Variants in CIZ1 observed in about 807,000 individuals in gnomAD.
The protein encoded by CIZ1 is CDKN1A interacting zinc finger protein 1, also known as cip1-interacting zinc finger protein.
A neutral mutation model predicts 118.6 loss-of-function variants in CIZ1; 58 were observed. The observed-to-expected ratio is 0.49, with a 90% CI of 0.40 to 0.61. The LOEUF (loss-of-function observed/expected upper bound fraction) is 0.61, where lower values mean the gene tolerates loss of function less well. Ranked by LOEUF, CIZ1 falls within the 20% of genes least tolerant of loss-of-function variation. The probability of loss-of-function intolerance (pLI) is 0.00; values close to 1 mark genes in which losing one functional copy is unlikely to be tolerated. For synonymous variants in CIZ1, 448 were observed against 443.4 expected, an observed-to-expected ratio of 1.01 and a Z score of -0.13; for missense variants, 921 against 1,115.9, an observed-to-expected ratio of 0.83 and a Z score of 2.49.
chr9:128,168,695 T>TA, intron 14 of CIZ1: 1 of 291,618 alleles, frequency 3.4e-6, no homozygotes, highest in Non-Finnish European at 6.7e-6. Context: ...TGGAACACAC[T>TA]AAGTGCTCAA....
rs1452232392 is a variant in CIZ1, at chr9:128,203,264, C to T, written c.-6+922G>A. 1 of 227,158 alleles carries T rather than the reference C, an allele frequency of 4.4e-6. No homozygotes were observed. Among genetic ancestry groups the T allele is most frequent in the Non-Finnish European group, 8.1e-6 (1 of 123,946 alleles). The allele number at this position is 227,158 out of a possible 1,614,324, so 14.1% of individuals were successfully genotyped here. A position where few individuals can be genotyped will look rare whatever the true frequency, so the allele number is the denominator to read the frequency against. On this transcript the variant is annotated intron_variant, in intron 1 of 17. Transcript: ENST00000372948. This position sits in a 1 kb window ranked among gnomAD's most constrained non-coding sequence, Gnocchi z 5.3. ...GTGAAAACTACGACACCCATGATGC[C>T]CCGGACGGCGCCTGCGCACGGCGGC... is the stretch of plus-strand genomic sequence containing the variant.
At position 128,201,318 on chromosome 9, in the gene CIZ1, C is replaced by T. The variant is rs142670482; in HGVS notation, c.-6+2868G>A. Among the ~76,000 whole-genome samples, 254 of 151,648 alleles carry T rather than the reference C, an allele frequency of 1.7e-3. 2 individuals carry two copies. The highest frequency in any genetic ancestry group is 6.0e-3 in the African/African-American group (246 of 41,200). On this transcript the variant is annotated intron_variant, in intron 1 of 17. Transcript: ENST00000372948. Reference sequence around the variant, plus strand: ...TACAAAAATTAGCTAGGAGTGGTGGCACGTGCCTGTAGTCCCAGCTACTCG... The same window carrying T: ...TACAAAAATTAGCTAGGAGTGGTGGTACGTGCCTGTAGTCCCAGCTACTCG...
At chr9:128,199,054 C>A (rs79861704) in intron 1 of CIZ1, among the ~76,000 whole-genome samples, 10,275 of 151,850 alleles carry the variant, frequency 0.068, 488 homozygotes, top group Non-Finnish European at 0.1. Flanking sequence ...GTTTTCTCAT[C>A]TGTCAAAGGA....
intron 11 of CIZ1, among the ~76,000 whole-genome samples, chr9:128,175,022 T>A (rs745755609): frequency 6.6e-6 from 1 of 152,138 alleles, no homozygotes; most frequent in African/African-American, 2.4e-5. Context: ...AGAGATAACA[T>A]TGGGAGAGGG....
At chr9:128,190,599 G>C in intron 2 of CIZ1, 89 bp downstream of exon 2, 2 of 1,472,176 alleles carry the variant, frequency 1.4e-6, no homozygotes, top group Middle Eastern at 3.9e-4. Context: ...AACGGGGATG[G>C]CACTGGGAAA....
chr9:128,197,530 G>T (rs1306344470), intron 1 of CIZ1: 1 of 152,292 alleles, frequency 6.6e-6, no homozygotes, highest in Non-Finnish European at 1.5e-5. Flanking sequence ...AATAAATGGA[G>T]TGTGAAAGGC....
intron 11 of CIZ1, among the ~76,000 whole-genome samples, chr9:128,174,024 C>A (rs7847909): frequency 0.65 from 95,616 of 147,618 alleles, 31,805 homozygotes; most frequent in East Asian, 0.94. Flanking sequence ...AACAAAAAAA[C>A]AAAAAAAAAA....
At chr9:128,194,362 C>CAAAAAA (rs757286334), upstream of CIZ1, among the ~76,000 whole-genome samples, 3 of 74,178 alleles carry the variant, frequency 4.0e-5, no homozygotes, top group Non-Finnish European at 2.7e-5. Flanking sequence ...AACTCCATCT[C>CAAAAAA]AAAAAAAAAA....
chr9:128,181,668 GC>G (rs1438680450), intron 5 of CIZ1, among the ~76,000 whole-genome samples: 5 of 151,514 alleles, frequency 3.3e-5, no homozygotes, highest in Non-Finnish European at 7.4e-5. Flanking sequence ...GGTGACGCCA[GC>G]GTCTGGGAAG....
chr9:128,170,220 G>C (rs1446534302), intron 11 of CIZ1, 113 bp from the exon 12 acceptor site: 1 of 901,148 alleles, frequency 1.1e-6, no homozygotes. Flanking sequence ...GGATCTCTTA[G>C]GGAAGCTTAA....
In CIZ1 at chr9:128,169,441, C is replaced by T. The variant is rs1304727467; in HGVS notation, c.2110G>A (p.Val704Met). ...FKTPRKFVEH[V>M]KSQGHKDKAK... The stretch of plus-strand genomic sequence containing the variant: ...TTGTCCTTATGCCCCTGGGACTTCA[C>T]GTGCTCCACAAACTTGCGAGGGGTT... Residue 704 changes from valine to methionine, a missense_variant, in exon 13 of 17, where the codon GTG becomes ATG. Val to Met is a conservative substitution (Grantham distance 21). Coordinates refer to ENST00000372938, the MANE Select transcript of CIZ1 (RefSeq NM_001131016.2). 2 of 1,614,044 alleles carry T rather than the reference C, an allele frequency of 1.2e-6. No individual in the cohort carries two copies. The highest frequency in any genetic ancestry group is 1.7e-6 in the Non-Finnish European group (2 of 1,180,016).
At chr9:128,172,576 T>G (rs1352865686) in intron 11 of CIZ1, among the ~76,000 whole-genome samples, 1 of 152,192 alleles carries the variant, frequency 6.6e-6, no homozygotes. Flanking sequence ...TTCATAAATT[T>G]TAGGGGACAC....
At position 128,180,455 on chromosome 9, in the gene CIZ1, G is replaced by C. The variant is rs750228068; in HGVS notation, c.751C>G (p.Pro251Ala). Residue 251 changes from proline (P) to alanine (A), a missense_variant, in exon 7 of 17, where the codon CCT (proline) becomes GCT (alanine). Transcript: ENST00000372938. ...GCTGGCAGCTCGGACGCCTCACAAG[G>C]CTCAGGCTCAGGTGCTGGAGTGCGT... ...EKRTPAPEPE[P>A]CEASELPAKR... 2.5e-6 allele frequency: 4 copies of C among 1,613,992 alleles called. No individual in the cohort carries two copies. The highest frequency in any genetic ancestry group is 3.4e-6 in the Non-Finnish European group (4 of 1,180,012).
Position 128,191,564 on chromosome 9 carries a change from G to C in CIZ1, c.-138C>G. ...CCCGCTGCTACTCCGGGGCCTGTGG[G>C]CTCGTAAGGCCCAAATGCGGGCGGG... On this transcript the variant is annotated 5_prime_UTR_variant, in exon 1 of 17. Transcript: ENST00000372938. The surrounding 1 kb of genome is among the most constrained non-coding windows in gnomAD (Gnocchi z 5.5). 9.1e-7 allele frequency: 1 copy of C among 1,095,236 alleles called. No individual in the cohort carries two copies. The highest frequency in any genetic ancestry group is 1.1e-6 in the Non-Finnish European group (1 of 900,664). The allele number at this position is 1,095,236 out of a possible 1,614,324, so 67.8% of individuals were successfully genotyped here.
chr9:128,166,927 G>A lies in CIZ1; in HGVS notation c.2366-47C>T, dbSNP rs201948497. On this transcript the variant is annotated intron_variant, in intron 15 of 16. Coordinates refer to ENST00000372938, the MANE Select transcript of CIZ1 (RefSeq NM_001131016.2). This position sits in a 1 kb window ranked among gnomAD's most constrained non-coding sequence, Gnocchi z 4.4. The stretch of plus-strand genomic sequence containing the variant: ...TCTGCACTCACATCCCTGTACCAGC[G>A]AGGTGTCCCTCCCTCTCTAGGGGCC... The A allele has an allele frequency of 7.7e-5, 125 of 1,613,716 alleles. No individual in the cohort carries two copies. In the East Asian group the frequency reaches 1.5e-3, roughly 20 times the overall value.
At position 128,203,399 on chromosome 9, in the gene CIZ1, G is replaced by A; in HGVS notation, c.-6+787C>T. On this transcript the variant is annotated intron_variant, in intron 1 of 17. Transcript: ENST00000372948. This position sits in a 1 kb window ranked among gnomAD's most constrained non-coding sequence, Gnocchi z 5.3. ...CAGGCAGTCTGGGCGCGCGGCTGCA[G>A]CGGCGGAGCCGGAGTCGGAGCCGGG... is the stretch of plus-strand genomic sequence containing the variant. 7.6e-7 allele frequency: 1 copy of A among 1,320,138 alleles called. No homozygotes were observed. Among genetic ancestry groups the A allele is most frequent in the South Asian group, 1.8e-5 (1 of 54,374 alleles). The allele number at this position is 1,320,138 out of a possible 1,614,324, so 81.8% of individuals were successfully genotyped here.
chr9:128,169,871 C>A, intron 12 of CIZ1, 149 bp downstream of exon 12: 1 of 988,680 alleles, frequency 1.0e-6, no homozygotes, highest in Non-Finnish European at 1.5e-6. Context: ...GAAGAAGAAA[C>A]AAGACTGACT....
chr9:128,169,048 G>A lies in CIZ1; in HGVS notation c.2295+4C>T. On this transcript the variant is annotated splice_donor_region_variant and intron_variant, in intron 14 of 16. Transcript: ENST00000372938. ...GCCCGCCTCCCACACCCTCCCCCCA[G>A]CACCTGCTTGCAGAGTTCCTCCTCA... 2 of 1,614,028 alleles carry A rather than the reference G, an allele frequency of 1.2e-6. No individual in the cohort carries two copies. The highest frequency in any genetic ancestry group is 1.7e-6 in the Non-Finnish European group (2 of 1,179,956).
intron 14 of CIZ1, among the ~76,000 whole-genome samples, chr9:128,168,424 G>A (rs994291484): frequency 4.6e-5 from 7 of 151,506 alleles, no homozygotes; most frequent in Non-Finnish European, 1.0e-4. Context: ...GCTGAGGCAT[G>A]AGAATCGCAT....
Sources: gnomAD v4.1 joint callset for allele counts (sites outside exome capture counted in the v4.1 genomes callset) on GRCh38, gnomAD v4.1.1 for gene constraint, Gnocchi (gnomAD v3.1) non-coding constraint, MANE v1.5 for transcripts, NCBI Gene and HGNC (gene_info 2026-07-23, HGNC 2026-07-21) for gene names.